ACACB: variants seen among roughly 807,000 people sequenced by gnomAD.
ACACB encodes acetyl-CoA carboxylase beta, also known as acetyl-CoA carboxylase 2.
Under a neutral mutation model 278.8 loss-of-function variants are expected in ACACB, and 209 were observed. The observed-to-expected ratio is 0.75, with a 90% confidence interval of 0.67 to 0.84. The LOEUF (loss-of-function observed/expected upper bound fraction) is 0.84, where lower values mean the gene tolerates loss of function less well. Among genes scored for constraint, ACACB ranks in the 40% least tolerant of loss-of-function variants. The pLI is 0.00. For missense variants in ACACB, 2,850 were observed against 3,269.0 expected (o/e 0.87, Z 3.13); for synonymous variants, 1,174 against 1,285.6 (o/e 0.91, Z 1.86).
At chr12:109,131,444 C>G (rs905124629) in intron 1 of ACACB, 2 of 152,666 alleles carry the variant, frequency 1.3e-5, no homozygotes, top group Non-Finnish European at 2.9e-5. Context: ...GCAACAAGTG[C>G]TGGGGAGTTA....
At chr12:109,242,723 C>CACGCCT (rs1565963812) in intron 37 of ACACB, 131 bp downstream of exon 37, 1 of 1,134,052 alleles carries the variant, frequency 8.8e-7, no homozygotes, top group Admixed American at 2.5e-5. Flanking sequence ...TGCGGTGGCT[C>CACGCCT]ACGCCTATAA....
rs112200798 is a variant in ACACB at position 109,248,627 on chromosome 12, C to T, written c.5669+924C>T. 3.0e-3 allele frequency among the ~76,000 whole-genome samples: 462 copies of T among 152,328 alleles called. 1 individual carries two copies. Among genetic ancestry groups the T allele is most frequent in the African/African-American group, 0.011 (443 of 41,584 alleles). On this transcript the variant is annotated intron_variant, in intron 40 of 52. Coordinates refer to ENST00000338432, the MANE Select transcript of ACACB (RefSeq NM_001093.4). ...CCAGAAGACTCAGCAAGGCAGCTTA[C>T]TCCACCTTCTTTCACCTGCTTTTTC...
At position 109,242,567 on chromosome 12, in the gene ACACB, A is replaced by G. The variant is rs1470708892; in HGVS notation, c.5153A>G (p.Tyr1718Cys). ...QAQTLGTTYI[Y>C]DFPEMFRQAL... ...CAGACCCTGGGAACCACCTACATCT[A>G]TGACTTCCCGGAAATGTTCAGGCAG... is the stretch of plus-strand genomic sequence containing the variant. Residue 1718 changes from tyrosine (Y) to cysteine (C), a missense_variant, in exon 37 of 53, where the codon TAT becomes TGT. Physicochemically the swap from Tyr to Cys is radical, Grantham distance 194 (BLOSUM62 -2). Around this residue, in one of 3 missense-constraint regions of ACACB, gnomAD observed 2,265 missense variants for 2,561.3 expected, o/e 0.88. Coordinates refer to ENST00000338432, the MANE Select transcript of ACACB (RefSeq NM_001093.4). The G allele has an allele frequency of 5.0e-6, 8 of 1,614,006 alleles. No homozygotes were observed. The highest frequency in any genetic ancestry group is 2.2e-5 in the East Asian group (1 of 44,876).
At chr12:109,137,041 T>A (rs2042981379) in intron 1 of ACACB, among the ~76,000 whole-genome samples, 1 of 152,204 alleles carries the variant, frequency 6.6e-6, no homozygotes. Context: ...AATGTTGTTA[T>A]CATGAAAGGG....
rs147281050 is a variant in ACACB, at chr12:109,246,270, G to T, written c.5393G>T (p.Arg1798Leu). The T allele has an allele frequency of 1.6e-5, 26 of 1,613,174 alleles. No homozygotes were observed. The highest frequency in any genetic ancestry group is 2.2e-5 in the East Asian group (1 of 44,850). The change falls in exon 39 of 53, where the codon CGC becomes CTC. Residue 1798 changes from arginine (R) to leucine (L), a missense_variant. By Grantham distance (102) the Arg-to-Leu change is moderately radical (BLOSUM62 -2). Transcript: ENST00000338432. ...VIVIGNDITFRIGSFGPGEDL... is the reference protein window; with the variant it reads ...VIVIGNDITFLIGSFGPGEDL... ...GTCATCGGCAATGACATCACCTTTC[G>T]CATTGGATCCTTTGGCCCTGGAGAG...
chr12:109,207,741 C>T (rs903369154), intron 20 of ACACB, among the ~76,000 whole-genome samples: 3 of 152,210 alleles, frequency 2.0e-5, no homozygotes, highest in Non-Finnish European at 4.4e-5. Flanking sequence ...TGTGGTGGCA[C>T]GATCTTGTCT....
At chr12:109,146,659 C>T (rs2043249700) in intron 2 of ACACB, among the ~76,000 whole-genome samples, 1 of 152,056 alleles carries the variant, frequency 6.6e-6, no homozygotes, top group Non-Finnish European at 1.5e-5. Flanking sequence ...GCTTTGTTGT[C>T]GCCGTCTTGA....
chr12:109,242,499 C>T lies in ACACB; in HGVS notation c.5085C>T (p.Pro1695=). The T allele has an allele frequency of 6.2e-7, 1 of 1,614,126 alleles. No individual in the cohort carries two copies. The highest frequency in any genetic ancestry group is 2.2e-5 in the East Asian group (1 of 44,882). ...GPQHGMLINT[P]YVTKDLLQAK... ...AGCACGGGATGCTGATCAATACTCC[C>T]TACGTCACCAAGGATCTGCTCCAGG... Residue 1695 remains proline, a synonymous_variant, in exon 37 of 53, where the codon CCC becomes CCT. Coordinates refer to ENST00000338432, the MANE Select transcript of ACACB (RefSeq NM_001093.4).
chr12:109,191,933 C>A lies in ACACB; in HGVS notation c.2382C>A (p.Phe794Leu). ...TGTTCAGAACGTGCATGACAGATTT[C>A]TTACACTCCCTGGAAAGGTAGGGGC... is the stretch of plus-strand genomic sequence containing the variant. ...DAMFRTCMTDFLHSLERGQVL... is the reference protein window; with the variant it reads ...DAMFRTCMTDLLHSLERGQVL... The change falls in exon 15 of 53, where the codon TTC (phenylalanine) becomes TTA (leucine). Residue 794 changes from phenylalanine to leucine, a missense_variant. Physicochemically the swap from Phe to Leu is conservative, Grantham distance 22 (BLOSUM62 0). This residue lies in a region of ACACB where 2,265 missense variants were observed against 2,561.3 expected (regional missense o/e 0.88). Transcript: ENST00000338432. 1 of 1,614,178 alleles carries A rather than the reference C, an allele frequency of 6.2e-7. No individual in the cohort carries two copies. Among genetic ancestry groups the A allele is most frequent in the Non-Finnish European group, 8.5e-7 (1 of 1,180,040 alleles).
intron 22 of ACACB, among the ~76,000 whole-genome samples, chr12:109,213,188 C>T (rs188760079): frequency 1.3e-4 from 20 of 152,246 alleles, no homozygotes; most frequent in Non-Finnish European, 1.9e-4. Context: ...CTCAGCCTCC[C>T]GAATAGCTGG....
At position 109,135,808 on chromosome 12, in the gene ACACB, C is replaced by CTTT. The variant is rs59597788; in HGVS notation, c.-9-3572_-9-3570dup. Among the ~76,000 whole-genome samples, 309 of 117,234 alleles carry CTTT rather than the reference C, an allele frequency of 2.6e-3. 9 individuals are homozygous for CTTT. Among genetic ancestry groups the CTTT allele is most frequent in the African/African-American group, 4.4e-3 (146 of 32,882 alleles). 76.9% of individuals were successfully genotyped at this position (117,234 alleles called of 152,430 possible). The stretch of plus-strand genomic sequence containing the variant: ...ACCATGTGGTGTTAAAGAGGTAATA[C>CTTT]TTTTTTTTTTTTTTTTTTTGAGACG... On this transcript the variant is annotated intron_variant, in intron 1 of 52. Transcript: ENST00000338432.
chr12:109,206,702 C>T lies in ACACB; in HGVS notation c.2914-8C>T, dbSNP rs2045526750. The T allele has an allele frequency of 6.2e-7, 1 of 1,613,684 alleles. No individual in the cohort carries two copies. Among genetic ancestry groups the T allele is most frequent in the African/African-American group, 1.3e-5 (1 of 75,028 alleles). ...TCCTGACCTGTCGTTCTTGTGGTGT[C>T]TCATCAGGCTGAACCGTTCACAGGA... On this transcript the variant is annotated splice_polypyrimidine_tract_variant and splice_region_variant and intron_variant, in intron 19 of 52. Coordinates refer to ENST00000338432, the MANE Select transcript of ACACB (RefSeq NM_001093.4).
intron 5 of ACACB, 145 bp downstream of exon 5, chr12:109,172,059 G>C (rs1382743962): frequency 5.0e-6 from 4 of 801,928 alleles, no homozygotes; most frequent in Non-Finnish European, 8.2e-6. Context: ...ACAGAAAAGA[G>C]TGTTCAAGTG....
intron 45 of ACACB, among the ~76,000 whole-genome samples, chr12:109,257,043 G>A (rs1182051653): frequency 1.3e-5 from 2 of 152,208 alleles, no homozygotes; most frequent in Non-Finnish European, 2.9e-5. Context: ...GGAGGCCAAG[G>A]CGGGTGGATC....
chr12:109,250,830 G>T (rs2047075171), intron 41 of ACACB, among the ~76,000 whole-genome samples: 2 of 152,130 alleles, frequency 1.3e-5, no homozygotes, highest in African/African-American at 4.8e-5. Flanking sequence ...AAGCAAGAAT[G>T]AAATGAAGTA....
In ACACB at chr12:109,250,121, T is replaced by G. The variant is rs1464463574; in HGVS notation, c.5790+17T>G. ...ATTAGCTTGGTGAGTCTTCTTCTAT[T>G]TTCTCTTACTTTTCAACTTTCCATT... On this transcript the variant is annotated intron_variant, in intron 41 of 52. Coordinates refer to ENST00000338432, the MANE Select transcript of ACACB (RefSeq NM_001093.4). 1.9e-6 allele frequency: 3 copies of G among 1,567,232 alleles called. No individual in the cohort carries two copies. The highest frequency in any genetic ancestry group is 2.3e-5 in the East Asian group (1 of 43,736).
At chr12:109,246,083 C>T (rs2046933635) in intron 38 of ACACB, 96 bp from the exon 39 acceptor site, 2 of 1,370,722 alleles carry the variant, frequency 1.5e-6, no homozygotes, top group African/African-American at 2.9e-5. Flanking sequence ...GAGCAAGACC[C>T]TGTATCTAAA....
At chr12:109,264,173 C>T (rs2136862887) in intron 49 of ACACB, 59 bp from the exon 50 acceptor site, 1 of 1,550,898 alleles carries the variant, frequency 6.4e-7, no homozygotes, top group Admixed American at 2.0e-5. Flanking sequence ...AAAAAAATCT[C>T]CACCCCATCA....
intron 2 of ACACB, among the ~76,000 whole-genome samples, chr12:109,154,404 C>T (rs1394633081): frequency 6.6e-6 from 1 of 152,264 alleles, no homozygotes; most frequent in Non-Finnish European, 1.5e-5. Context: ...TATTTTCCAC[C>T]GCTTCCCTAT....
Sources: gnomAD v4.1 joint callset for allele counts (sites outside exome capture counted in the v4.1 genomes callset) on GRCh38, gnomAD v4.1.1 for gene constraint, gnomAD v4.1.1 regional missense constraint, MANE v1.5 for transcripts, NCBI Gene and HGNC (gene_info 2026-07-23, HGNC 2026-07-21) for gene names.